The following IYD variants were observed in gnomAD, a reference collection of about 807,000 sequenced individuals.
IYD encodes iodotyrosine deiodinase 1.
IYD carries 25 observed loss-of-function variants against 28.4 expected under a neutral mutation model. The observed-to-expected ratio is 0.88, with a 90% CI of 0.64 to 1.23. IYD has a LOEUF of 1.23. IYD is among the 50% of genes most tolerant of loss of function. IYD has a pLI of 0.00. For synonymous variants in IYD, 140 were observed against 130.8 expected (o/e 1.07, Z -0.48); for missense variants, 352 against 357.9 (o/e 0.98, Z 0.13).
chr6:150,384,737 G>T (rs770188661), intron 1 of IYD: 1 of 152,212 alleles, frequency 6.6e-6, no homozygotes, highest in South Asian at 2.1e-4. Flanking sequence ...GATATATAAC[G>T]AACAATTTTG....
Position 150,389,359 on chromosome 6 carries a change from T to A in IYD, c.186T>A (p.Asp62Glu). Residue 62 changes from aspartate to glutamate, a missense_variant, in exon 2 of 5, where the codon GAT becomes GAA. Transcript: ENST00000344419. ...SDLHQAEEDA[D>E]EWQESEENVE... ...TCTTATTCTTATTTGCAGATGCTGA[T>A]GAATGGCAAGAATCAGAAGAAAATG... 6.2e-7 allele frequency: 1 copy of A among 1,613,108 alleles called. No individual in the cohort carries two copies. Among genetic ancestry groups the A allele is most frequent in the Non-Finnish European group, 8.5e-7 (1 of 1,179,112 alleles).
intron 1 of IYD, among the ~76,000 whole-genome samples, chr6:150,389,046 C>T (rs899344368): frequency 1.3e-5 from 2 of 152,062 alleles, no homozygotes. Context: ...TCTCCATTGC[C>T]CAGGCTAGAG....
rs62432507 is a variant in IYD, at chr6:150,386,190, T to C, written c.179-3162T>C. ...GGTATTTTTTCTAACTTCTTGAAAT[T>C]GATTTTTAATTCATTAATTTTTAGA... On this transcript the variant is annotated intron_variant, in intron 1 of 4. Coordinates refer to ENST00000344419, the MANE Select transcript of IYD (RefSeq NM_203395.3). Among the ~76,000 whole-genome samples, 686 of 152,210 alleles carry C rather than the reference T, an allele frequency of 4.5e-3. 2 individuals carry two copies. The highest frequency in any genetic ancestry group is 7.1e-3 in the Non-Finnish European group (484 of 67,934).
Position 150,398,127 on chromosome 6 carries a change from C to T in IYD, c.760C>T (p.Pro254Ser), listed in dbSNP as rs1179246518. The change falls in exon 5 of 5, where the codon CCC becomes TCC. Residue 254 changes from proline to serine, a missense_variant. Transcript: ENST00000344419. The part of the protein sequence containing the change: ...GPRLRVLLGR[P>S]AHEKLLMLLP... ...TCGACTGAGGGTGCTCCTGGGCCGC[C>T]CCGCACATGAAAAGCTGCTGATGCT... 6.2e-7 allele frequency: 1 copy of T among 1,614,206 alleles called. No individual in the cohort carries two copies. Among genetic ancestry groups the T allele is most frequent in the Non-Finnish European group, 8.5e-7 (1 of 1,180,034 alleles).
At chr6:150,387,299 AC>A (rs1335992886) in intron 1 of IYD, among the ~76,000 whole-genome samples, 1 of 152,046 alleles carries the variant, frequency 6.6e-6, no homozygotes, top group Non-Finnish European at 1.5e-5. Flanking sequence ...AATGGTGCAC[AC>A]CTGTACTCCC....
At chr6:150,384,455 C>T (rs1777787252) in intron 1 of IYD, 1 of 152,090 alleles carries the variant, frequency 6.6e-6, no homozygotes. Context: ...TCTGTACTGG[C>T]CTCATTTTGG....
chr6:150,396,742 C>T (rs931992805), intron 4 of IYD: 22 of 235,898 alleles, frequency 9.3e-5, no homozygotes, highest in Middle Eastern at 1.5e-3. Flanking sequence ...GGCGTGGTGG[C>T]GGGCGCCTGT....
At position 150,389,352 on chromosome 6, in the gene IYD, A is replaced by T; in HGVS notation, c.179A>T (p.Asp60Val). ...DSSDLHQAEE[D>V]ADEWQESEEN... ...TTACCTTTCTTATTCTTATTTGCAG[A>T]TGCTGATGAATGGCAAGAATCAGAA... The change falls in exon 2 of 5, where the codon GAT (aspartate) becomes GTT (valine). Residue 60 changes from aspartate (D) to valine (V), a missense_variant and splice_region_variant. Physicochemically the swap from Asp to Val is radical, Grantham distance 152 (BLOSUM62 -3). Coordinates refer to ENST00000344419, the MANE Select transcript of IYD (RefSeq NM_203395.3). 1 of 1,611,778 alleles carries T rather than the reference A, an allele frequency of 6.2e-7. No individual in the cohort carries two copies. Among genetic ancestry groups the T allele is most frequent in the African/African-American group, 1.3e-5 (1 of 74,970 alleles).
chr6:150,372,239 A>G (rs1390476754), intron 1 of IYD, among the ~76,000 whole-genome samples: 1 of 152,112 alleles, frequency 6.6e-6, no homozygotes, highest in African/African-American at 2.4e-5. Context: ...CAGGTCAGAG[A>G]ATCGGCATGT....
At chr6:150,380,570 T>C (rs886753311) in intron 1 of IYD, among the ~76,000 whole-genome samples, 1 of 152,118 alleles carries the variant, frequency 6.6e-6, no homozygotes, top group Non-Finnish European at 1.5e-5. Flanking sequence ...AAAGGCTGAA[T>C]CCTCAATCCT....
intron 1 of IYD, among the ~76,000 whole-genome samples, chr6:150,379,406 C>T (rs1202049353): frequency 6.6e-6 from 1 of 152,160 alleles, no homozygotes. Flanking sequence ...ACTTGAATCC[C>T]CAGCCTCTTT....
rs76415724 is a variant in IYD, at chr6:150,388,338, T to A, written c.179-1014T>A. 3.1e-4 allele frequency among the ~76,000 whole-genome samples: 47 copies of A among 152,294 alleles called. 1 individual carries two copies. The highest frequency in any genetic ancestry group is 1.1e-3 in the African/African-American group (47 of 41,564). Reference sequence around the variant, plus strand: ...ATCCCTGAAGATATAAAAATGGAATTCAAATGTGTAGGGATTGGCAAATAC... The same window carrying A: ...ATCCCTGAAGATATAAAAATGGAATACAAATGTGTAGGGATTGGCAAATAC... On this transcript the variant is annotated intron_variant, in intron 1 of 4. Transcript: ENST00000344419.
At chr6:150,388,181 T>C (rs1777948872) in intron 1 of IYD, among the ~76,000 whole-genome samples, 1 of 152,236 alleles carries the variant, frequency 6.6e-6, no homozygotes, top group Admixed American at 6.5e-5. Flanking sequence ...GCAAGACTCA[T>C]CAAACTGATA....
rs117112086 is a variant in IYD, at chr6:150,379,273, G to A, written c.178+10064G>A. Among the ~76,000 whole-genome samples, 69 of 152,254 alleles carry A rather than the reference G, an allele frequency of 4.5e-4. No homozygotes were observed. In the East Asian group the frequency reaches 0.013, roughly 28 times the overall value. On this transcript the variant is annotated intron_variant, in intron 1 of 4. Transcript: ENST00000344419. Reference sequence around the variant, plus strand: ...GATTTCTATTTCTAAGGTGTTTCGAGAATCTGCACACCCCTGTCATTCTTT... The same window carrying A: ...GATTTCTATTTCTAAGGTGTTTCGAAAATCTGCACACCCCTGTCATTCTTT...
intron 4 of IYD, chr6:150,395,894 G>A: frequency 1.8e-6 from 1 of 550,134 alleles, no homozygotes. Context: ...AGGTCGATGG[G>A]GTACCCCTTG....
intron 1 of IYD, among the ~76,000 whole-genome samples, chr6:150,374,728 C>G (rs655363): frequency 0.87 from 132,124 of 151,924 alleles, 57,632 homozygotes; most frequent in East Asian, 0.98. Context: ...ATTTGGGTAG[C>G]GACACAGCCA....
chr6:150,388,655 C>CTTTA (rs1216990183), intron 1 of IYD, among the ~76,000 whole-genome samples: 3 of 57,806 alleles, frequency 5.2e-5, no homozygotes, highest in Admixed American at 1.8e-4. Context: ...TTCTTTCTTT[C>CTTTA]TTTCTTTCTT....
chr6:150,390,283 C>T (rs1298966559), intron 2 of IYD, among the ~76,000 whole-genome samples: 5 of 152,200 alleles, frequency 3.3e-5, no homozygotes, highest in Non-Finnish European at 7.3e-5. Context: ...AATACAAATA[C>T]ATTAGATTGT....
intron 1 of IYD, among the ~76,000 whole-genome samples, chr6:150,387,329 A>T (rs1472839464): frequency 2.0e-5 from 3 of 151,952 alleles, no homozygotes; most frequent in Non-Finnish European, 4.4e-5. Flanking sequence ...AGGAGGCTGA[A>T]GCTGGAGGAT....
Sources: gnomAD v4.1 joint callset for allele counts (sites outside exome capture counted in the v4.1 genomes callset) on GRCh38, gnomAD v4.1.1 for gene constraint, MANE v1.5 for transcripts, NCBI Gene and HGNC (gene_info 2026-07-23, HGNC 2026-07-21) for gene names.